The following KALRN variants were observed in gnomAD, a reference collection of about 807,000 sequenced individuals.
The protein encoded by KALRN is kalirin.
KALRN carries 70 observed loss-of-function variants against 353.7 expected under a neutral mutation model. That is an observed-to-expected ratio of 0.20 (90% confidence interval 0.16 to 0.24). KALRN has a LOEUF of 0.24. Ranked by LOEUF, KALRN falls within the 10% of genes least tolerant of loss-of-function variation. KALRN has a pLI of 1.00. For missense variants in KALRN, 2,791 were observed against 3,756.7 expected, an observed-to-expected ratio of 0.74 and a Z score of 6.72; for synonymous variants, 1,391 against 1,434.8, an observed-to-expected ratio of 0.97 and a Z score of 0.69.
chr3:124,566,530 C>G (rs1257883018), intron 34 of KALRN, among the ~76,000 whole-genome samples: 8 of 150,886 alleles, frequency 5.3e-5, no homozygotes, highest in Non-Finnish European at 1.0e-4. Context: ...GGACCTAAGT[C>G]TGCATTCTCC....
chr3:124,170,672 A>G (rs1275144286), intron 1 of KALRN, among the ~76,000 whole-genome samples: 6 of 151,948 alleles, frequency 3.9e-5, no homozygotes, highest in Non-Finnish European at 8.8e-5. Flanking sequence ...TCTCACATTT[A>G]TGGGCCCTTG....
At chr3:124,495,468 G>T (rs2063603537) in intron 32 of KALRN, among the ~76,000 whole-genome samples, 1 of 151,998 alleles carries the variant, frequency 6.6e-6, no homozygotes, top group Admixed American at 6.5e-5. Flanking sequence ...GGGTGCAGTG[G>T]CTCACACCTG....
intron 36 of KALRN, 40 bp downstream of exon 36, chr3:124,633,993 C>A: frequency 6.6e-7 from 1 of 1,521,352 alleles, no homozygotes; most frequent in Non-Finnish European, 9.1e-7. Flanking sequence ...GAGCAACGTG[C>A]CGTGCGTGAT....
chr3:124,439,583 G>A (rs2093608276), intron 18 of KALRN, among the ~76,000 whole-genome samples: 1 of 152,170 alleles, frequency 6.6e-6, no homozygotes, highest in African/African-American at 2.4e-5. Flanking sequence ...AATGGAAGAT[G>A]CAAAAATTAG....
At chr3:124,604,274 A>G (rs1217025308) in intron 34 of KALRN, among the ~76,000 whole-genome samples, 2 of 152,128 alleles carry the variant, frequency 1.3e-5, no homozygotes, top group Non-Finnish European at 2.9e-5. Context: ...AGCATTAGGT[A>G]TATCTCCCAA....
chr3:124,372,543 A>G (rs970810269), intron 10 of KALRN, among the ~76,000 whole-genome samples: 2 of 151,920 alleles, frequency 1.3e-5, no homozygotes, highest in African/African-American at 4.8e-5. Context: ...TTTTGGTAAT[A>G]AAATTAGAAC....
At chr3:124,553,578 A>G (rs1185898182) in intron 33 of KALRN, among the ~76,000 whole-genome samples, 3 of 152,124 alleles carry the variant, frequency 2.0e-5, no homozygotes, top group Non-Finnish European at 4.4e-5. Flanking sequence ...TCTAACCATG[A>G]ATTGCTCTTT....
chr3:124,241,106 T>G (rs924586199), intron 3 of KALRN, among the ~76,000 whole-genome samples: 6 of 152,172 alleles, frequency 3.9e-5, no homozygotes, highest in Admixed American at 3.9e-4. Flanking sequence ...GAACATCACC[T>G]CTATCCTCAA....
intron 1 of KALRN, among the ~76,000 whole-genome samples, chr3:124,119,890 G>T (rs1204951135): frequency 6.6e-6 from 1 of 152,108 alleles, no homozygotes; most frequent in Non-Finnish European, 1.5e-5. Flanking sequence ...GGTGATACAC[G>T]GATGTCCTGA....
intron 34 of KALRN, among the ~76,000 whole-genome samples, chr3:124,629,387 C>T (rs60582273): frequency 6.6e-6 from 1 of 151,660 alleles, no homozygotes; most frequent in Non-Finnish European, 1.5e-5. Flanking sequence ...ACAACAACAA[C>T]AAAAAAAACT....
chr3:124,106,148 A>T (rs550547601), intron 1 of KALRN, among the ~76,000 whole-genome samples: 75 of 152,326 alleles, frequency 4.9e-4, no homozygotes, highest in African/African-American at 1.8e-3. Flanking sequence ...TGGATTGAAC[A>T]AAGAGTGCAG....
intron 1 of KALRN, among the ~76,000 whole-genome samples, chr3:124,222,257 C>G (rs1387371060): frequency 6.6e-6 from 1 of 152,196 alleles, no homozygotes; most frequent in East Asian, 1.9e-4. Context: ...AACACTCCTG[C>G]CACCAAAAAG....
intron 2 of KALRN, 107 bp downstream of exon 2, chr3:124,228,171 A>G: frequency 1.1e-6 from 1 of 929,978 alleles, no homozygotes; most frequent in African/African-American, 1.6e-5. Context: ...AGGGGTGGGG[A>G]AGTTATGCTT....
At chr3:124,041,383 A>T (rs1209213490) in intron 1 of KALRN, among the ~76,000 whole-genome samples, 1 of 151,486 alleles carries the variant, frequency 6.6e-6, no homozygotes, top group Non-Finnish European at 1.5e-5. Context: ...ATCCGAATAT[A>T]TGTAGATCTT....
intron 48 of KALRN, among the ~76,000 whole-genome samples, chr3:124,673,862 A>G (rs959953154): frequency 6.6e-6 from 1 of 152,202 alleles, no homozygotes; most frequent in East Asian, 1.9e-4. Flanking sequence ...CAGAGATATC[A>G]TTCTTAGTCC....
chr3:124,328,997 G>A (rs1425081938), intron 7 of KALRN, among the ~76,000 whole-genome samples: 2 of 152,196 alleles, frequency 1.3e-5, no homozygotes, highest in Non-Finnish European at 2.9e-5. Context: ...GGGATAAAGA[G>A]GTCTTTAGGC....
intron 2 of KALRN, among the ~76,000 whole-genome samples, chr3:124,231,598 A>C (rs1173278907): frequency 6.6e-6 from 1 of 152,228 alleles, no homozygotes; most frequent in African/African-American, 2.4e-5. Flanking sequence ...TTCTACTCTC[A>C]AAGAAGTTTG....
intron 5 of KALRN, among the ~76,000 whole-genome samples, chr3:124,282,356 T>G (rs1463658961): frequency 6.6e-6 from 1 of 152,002 alleles, no homozygotes; most frequent in East Asian, 1.9e-4. Flanking sequence ...TAGCTGGTTG[T>G]TGCATTTCTG....
chr3:124,431,198 A>C (rs1445624), intron 16 of KALRN, among the ~76,000 whole-genome samples: 12,205 of 152,142 alleles, frequency 0.08, 617 homozygotes, highest in East Asian at 0.19. Flanking sequence ...ATTTTTAACC[A>C]TTTGGTTTAC....
Sources: gnomAD v4.1 joint callset for allele counts (sites outside exome capture counted in the v4.1 genomes callset) on GRCh38, gnomAD v4.1.1 for gene constraint, MANE v1.5 for transcripts, NCBI Gene and HGNC (gene_info 2026-07-23, HGNC 2026-07-21) for gene names.